Variants in ITGA9 observed in about 807,000 individuals in gnomAD.
ITGA9 encodes integrin alpha-9.
ITGA9 carries 56 observed loss-of-function variants against 127.8 expected under a neutral mutation model. That is an observed-to-expected ratio of 0.44 (90% CI 0.35 to 0.55). The LOEUF (loss-of-function observed/expected upper bound fraction) is 0.55, where lower values mean the gene tolerates loss of function less well. ITGA9 is among the 20% of genes least tolerant of loss of function. ITGA9 has a pLI of 0.00. For synonymous variants in ITGA9, 508 were observed against 514.5 expected, an observed-to-expected ratio of 0.99 and a Z score of 0.17; for missense variants, 1,196 against 1,347.1, an observed-to-expected ratio of 0.89 and a Z score of 1.76.
intron 23 of ITGA9, among the ~76,000 whole-genome samples, chr3:37,753,210 A>G (rs1696610713): frequency 6.6e-6 from 1 of 152,338 alleles, no homozygotes; most frequent in South Asian, 2.1e-4. Context: ...ACTAGTAACA[A>G]ATCATTCTTG....
At chr3:37,767,829 G>GA (rs1462605876) in intron 23 of ITGA9, among the ~76,000 whole-genome samples, 2 of 152,148 alleles carry the variant, frequency 1.3e-5, no homozygotes, top group Non-Finnish European at 2.9e-5. Context: ...TCATTCTTCA[G>GA]AAGGATCTCC....
chr3:37,508,116 C>T (rs1249984669), intron 7 of ITGA9, among the ~76,000 whole-genome samples: 2 of 152,222 alleles, frequency 1.3e-5, no homozygotes, highest in African/African-American at 4.8e-5. Flanking sequence ...GCTTTGTCTA[C>T]AGTACTCATC....
At chr3:37,586,742 T>TA (rs1275430055) in intron 15 of ITGA9, among the ~76,000 whole-genome samples, 19 of 152,360 alleles carry the variant, frequency 1.2e-4, no homozygotes, top group African/African-American at 3.6e-4. Flanking sequence ...GGCTGCCTTT[T>TA]AACTTACGGG....
Position 37,533,405 on chromosome 3 carries a change from G to C in ITGA9, c.1465G>C (p.Val489Leu). 5 of 1,614,212 alleles carry C rather than the reference G, an allele frequency of 3.1e-6. No homozygotes were observed. Among genetic ancestry groups the C allele is most frequent in the Non-Finnish European group, 3.4e-6 (4 of 1,180,046 alleles). Residue 489 changes from valine (V) to leucine (L), a missense_variant, in exon 14 of 28, where the codon GTG becomes CTG. Val to Leu is a conservative substitution (Grantham distance 32). Transcript: ENST00000264741. Reference protein sequence around the residue: ...APQCHDGQQPVNCLNVTTCFS... With the variant: ...APQCHDGQQPLNCLNVTTCFS... ...TCAGTGTCACGACGGACAGCAGCCT[G>C]TGAACTGCCTGAACGTCACCACCTG... is the stretch of plus-strand genomic sequence containing the variant.
intron 16 of ITGA9, 150 bp from the exon 17 acceptor site, chr3:37,653,564 G>C: frequency 1.3e-6 from 1 of 743,508 alleles, no homozygotes; most frequent in Non-Finnish European, 2.5e-6. Flanking sequence ...CCCTTCCCAC[G>C]CTGGAGAGCT....
intron 26 of ITGA9, among the ~76,000 whole-genome samples, chr3:37,798,319 T>C (rs1213864881): frequency 1.3e-5 from 2 of 152,214 alleles, no homozygotes; most frequent in Non-Finnish European, 2.9e-5. Context: ...AACATCATTT[T>C]CCCACATTAT....
intron 15 of ITGA9, among the ~76,000 whole-genome samples, chr3:37,585,173 AC>A (rs34763390): frequency 6.6e-6 from 1 of 151,428 alleles, no homozygotes; most frequent in Admixed American, 6.6e-5. Context: ...TTTTAAACTG[AC>A]CCCCCTTACT....
chr3:37,818,191 T>TAAAAAA (rs748381488), intron 27 of ITGA9: 5 of 31,970 alleles, frequency 1.6e-4, no homozygotes, highest in African/African-American at 1.9e-4. Context: ...TAAGACTCTC[T>TAAAAAA]AAAAAAAAAA....
At position 37,452,457 on chromosome 3, in the gene ITGA9, G is replaced by C. The variant is rs369556966; in HGVS notation, c.83G>C (p.Gly28Ala). Residue 28 changes from glycine (G) to alanine (A), a missense_variant, in exon 1 of 28, where the codon GGC (glycine) becomes GCC (alanine). Gly to Ala is a moderately conservative substitution (Grantham distance 60). Coordinates refer to ENST00000264741, the MANE Select transcript of ITGA9 (RefSeq NM_002207.3). The surrounding 1 kb of genome is among the most constrained non-coding windows in gnomAD (Gnocchi z 7.3). The stretch of plus-strand genomic sequence containing the variant: ...CTGGTGGTCGCGGGGATCCCCGCGG[G>C]CGCCTACAACCTCGACCCGCAGCGC... ...LALVVAGIPA[G>A]AYNLDPQRPV... is the part of the protein sequence containing the mutation. 3.4e-6 allele frequency: 5 copies of C among 1,488,886 alleles called. No homozygotes were observed. Among genetic ancestry groups the C allele is most frequent in the Non-Finnish European group, 4.5e-6 (5 of 1,118,542 alleles). 92.2% of individuals were successfully genotyped at this position (1,488,886 alleles called of 1,614,324 possible).
At chr3:37,664,420 C>CTTT (rs35312679) in intron 17 of ITGA9, among the ~76,000 whole-genome samples, 13 of 114,888 alleles carry the variant, frequency 1.1e-4, no homozygotes, top group Non-Finnish European at 1.7e-4. Flanking sequence ...TCAGCACATT[C>CTTT]TTTTTTTTTT....
At chr3:37,615,987 T>G (rs1256797279) in intron 15 of ITGA9, among the ~76,000 whole-genome samples, 3 of 152,242 alleles carry the variant, frequency 2.0e-5, no homozygotes, top group Non-Finnish European at 4.4e-5. Flanking sequence ...TGATCTTGGT[T>G]ATTTCTTGCC....
intron 15 of ITGA9, among the ~76,000 whole-genome samples, chr3:37,558,089 T>C (rs2125598120): frequency 6.6e-6 from 1 of 152,328 alleles, no homozygotes; most frequent in Non-Finnish European, 1.5e-5. Flanking sequence ...TTTCAGCCGC[T>C]CCTGTGCACG....
At chr3:37,693,545 A>C (rs967053022) in intron 18 of ITGA9, among the ~76,000 whole-genome samples, 2 of 152,292 alleles carry the variant, frequency 1.3e-5, no homozygotes, top group African/African-American at 4.8e-5. Flanking sequence ...TTCACTTTCA[A>C]GGCAAACCGC....
rs1698210083 is a variant in ITGA9, at chr3:37,452,778, C to A, written c.185+219C>A. Among the ~76,000 whole-genome samples, 3 of 152,102 alleles carry A rather than the reference C, an allele frequency of 2.0e-5. No homozygotes were observed. Among genetic ancestry groups the A allele is most frequent in the African/African-American group, 7.2e-5 (3 of 41,442 alleles). ...GTCGGGGTCGGCGCCTGGAGGCGGG[C>A]GGGGGCGTCCGGGTGCCTCCCTGGG... is the stretch of plus-strand genomic sequence containing the variant. On this transcript the variant is annotated intron_variant, in intron 1 of 27. Transcript: ENST00000264741. The surrounding 1 kb of genome is among the most constrained non-coding windows in gnomAD (Gnocchi z 7.3).
At chr3:37,717,816 A>G (rs944327559) in intron 18 of ITGA9, among the ~76,000 whole-genome samples, 2 of 152,248 alleles carry the variant, frequency 1.3e-5, no homozygotes, top group Non-Finnish European at 2.9e-5. Flanking sequence ...GGTACATAGT[A>G]TGACTATGGT....
intron 11 of ITGA9, among the ~76,000 whole-genome samples, chr3:37,522,030 G>T (rs886947739): frequency 6.6e-6 from 1 of 151,930 alleles, no homozygotes; most frequent in Non-Finnish European, 1.5e-5. Context: ...GGCATCTCTC[G>T]TGCCTCCATC....
At chr3:37,708,245 C>G (rs533884665) in intron 18 of ITGA9, among the ~76,000 whole-genome samples, 1 of 152,260 alleles carries the variant, frequency 6.6e-6, no homozygotes, top group East Asian at 1.9e-4. Context: ...AGCAGGCTGG[C>G]CCAGGCTCCT....
At position 37,547,684 on chromosome 3, in the gene ITGA9, C is replaced by T. The variant is rs115985802; in HGVS notation, c.1689+5099C>T. The stretch of plus-strand genomic sequence containing the variant: ...ATCTGGAAAATAACATGCTAAATCT[C>T]CGGGTCATCTTGAGAAATCAAAGAA... On this transcript the variant is annotated intron_variant, in intron 15 of 27. Coordinates refer to ENST00000264741, the MANE Select transcript of ITGA9 (RefSeq NM_002207.3). Among the ~76,000 whole-genome samples, 861 of 152,172 alleles carry T rather than the reference C, an allele frequency of 5.7e-3. 4 individuals are homozygous for T. Among genetic ancestry groups the T allele is most frequent in the African/African-American group, 0.019 (787 of 41,510 alleles).
chr3:37,631,978 G>GTA (rs1559554027), intron 16 of ITGA9, among the ~76,000 whole-genome samples: 1 of 152,178 alleles, frequency 6.6e-6, no homozygotes, highest in African/African-American at 2.4e-5. Context: ...AGTCACCAAC[G>GTA]TAAGAGCTAG....
Sources: gnomAD v4.1 joint callset for allele counts (sites outside exome capture counted in the v4.1 genomes callset) on GRCh38, gnomAD v4.1.1 for gene constraint, Gnocchi (gnomAD v3.1) non-coding constraint, MANE v1.5 for transcripts, NCBI Gene and HGNC (gene_info 2026-07-23, HGNC 2026-07-21) for gene names.